SPATS2: variants seen among roughly 807,000 people sequenced by gnomAD.
The protein encoded by SPATS2 is spermatogenesis associated serine rich 2.
A neutral mutation model predicts 63.7 loss-of-function variants in SPATS2; 38 were observed. The ratio of observed to expected loss-of-function variants is 0.60; its 90% CI spans 0.46 to 0.78. The LOEUF (loss-of-function observed/expected upper bound fraction) is 0.78. Ranked by LOEUF, SPATS2 falls within the 30% of genes least tolerant of loss-of-function variation. SPATS2 has a pLI of 0.00. For missense variants in SPATS2, 588 were observed against 666.2 expected (o/e 0.88, Z 1.29); for synonymous variants, 207 against 232.9 (o/e 0.89, Z 1.01).
At chr12:49,494,689 G>A in intron 6 of SPATS2, 52 bp from the exon 7 acceptor site, 1 of 1,459,164 alleles carries the variant, frequency 6.9e-7, no homozygotes. Flanking sequence ...CTAGGTTGTG[G>A]GGGAATCTTT....
Position 49,519,219 on chromosome 12 carries a change from C to T in SPATS2, c.1008+37C>T, listed in dbSNP as rs748807779. On this transcript the variant is annotated intron_variant, in intron 11 of 13. Transcript: ENST00000552918. ...TTCTGCTTTCTGCCTTTCTTCTTAT[C>T]CTCAGGGGCTAAAGTAAGAAATTTT... 6 of 1,531,242 alleles carry T rather than the reference C, an allele frequency of 3.9e-6. No homozygotes were observed. The East Asian group carries it at 6.9e-5, about 18-fold the overall frequency. 94.9% of individuals were successfully genotyped at this position (1,531,242 alleles called of 1,614,324 possible).
At chr12:49,495,202 C>A (rs1946445252) in intron 7 of SPATS2, among the ~76,000 whole-genome samples, 200 bp downstream of exon 7, 1 of 151,098 alleles carries the variant, frequency 6.6e-6, no homozygotes, top group Non-Finnish European at 1.5e-5. Flanking sequence ...AAATACAATT[C>A]TTTTTTTTTG....
chr12:49,477,853 C>T (rs1056388080), intron 3 of SPATS2, among the ~76,000 whole-genome samples: 6 of 151,706 alleles, frequency 4.0e-5, no homozygotes, highest in Non-Finnish European at 7.4e-5. Context: ...TTATTTCCTA[C>T]CAAAACAGTC....
intron 2 of SPATS2, among the ~76,000 whole-genome samples, chr12:49,443,421 C>T (rs1038860373): frequency 6.6e-6 from 1 of 152,002 alleles, no homozygotes; most frequent in African/African-American, 2.4e-5. Context: ...ACTTTCACTT[C>T]TATTCTATTG....
intron 2 of SPATS2, among the ~76,000 whole-genome samples, chr12:49,403,622 CACACACACACACACACACAA>C (rs1944644912): frequency 6.6e-6 from 1 of 151,286 alleles, no homozygotes; most frequent in Non-Finnish European, 1.5e-5. Context: ...CACACACACA[CACACACACACACACACACAA>C]ACAAAACTGG....
chr12:49,454,574 T>C (rs1297462303), intron 2 of SPATS2, among the ~76,000 whole-genome samples: 2 of 152,164 alleles, frequency 1.3e-5, no homozygotes, highest in Non-Finnish European at 2.9e-5. Flanking sequence ...GAGACACATA[T>C]CACCAAGTTT....
chr12:49,522,121 T>C (rs964215457), intron 11 of SPATS2, among the ~76,000 whole-genome samples: 2 of 152,208 alleles, frequency 1.3e-5, no homozygotes, highest in Non-Finnish European at 2.9e-5. Context: ...TCTAGTCCCA[T>C]GATTTTTATA....
chr12:49,429,786 CTTT>C (rs113979672), intron 2 of SPATS2, among the ~76,000 whole-genome samples: 5 of 126,554 alleles, frequency 4.0e-5, no homozygotes, highest in Admixed American at 8.0e-5. Context: ...TCTTCTTCTT[CTTT>C]TTTTTTTTTT....
At chr12:49,490,565 T>C (rs998242383) in intron 5 of SPATS2, 117 bp from the exon 6 acceptor site, 1 of 971,116 alleles carries the variant, frequency 1.0e-6, no homozygotes, top group African/African-American at 1.6e-5. Flanking sequence ...TAACTTTAAC[T>C]TTTCTGTTAG....
intron 4 of SPATS2, among the ~76,000 whole-genome samples, chr12:49,485,461 A>G (rs1414792396): frequency 6.6e-6 from 1 of 151,924 alleles, no homozygotes; most frequent in East Asian, 1.9e-4. Flanking sequence ...TCCTGGGTTC[A>G]AGTGATTCTT....
At chr12:49,389,712 G>A (rs1420254790) in intron 2 of SPATS2, 3 of 1,550,364 alleles carry the variant, frequency 1.9e-6, no homozygotes, top group Non-Finnish European at 2.7e-6. Context: ...GTCCACGTTA[G>A]TTATGGGAAT....
chr12:49,440,950 A>AGC (rs1945407910), intron 2 of SPATS2, among the ~76,000 whole-genome samples: 1 of 152,224 alleles, frequency 6.6e-6, no homozygotes, highest in African/African-American at 2.4e-5. Flanking sequence ...TAGTGCTAAT[A>AGC]ACTTTGGTCA....
intron 9 of SPATS2, among the ~76,000 whole-genome samples, chr12:49,500,600 G>A (rs542265894): frequency 0.017 from 2,556 of 152,070 alleles, 36 homozygotes; most frequent in Middle Eastern, 0.041. Context: ...GTGAAAACCC[G>A]TCTCTACTAA....
rs766115748 is a variant in SPATS2, at chr12:49,525,926, G to A, written c.1327-18G>A. The A allele has an allele frequency of 1.2e-6, 2 of 1,608,582 alleles. No individual in the cohort carries two copies. Among genetic ancestry groups the A allele is most frequent in the African/African-American group, 2.7e-5 (2 of 74,764 alleles). On this transcript the variant is annotated intron_variant, in intron 13 of 13. Transcript: ENST00000552918. Reference sequence around the variant, plus strand: ...ATAATGCTAGAGCACCTTGAACATTGTATTCTTTCATCTTTAGGTATTGCC... The same window carrying A: ...ATAATGCTAGAGCACCTTGAACATTATATTCTTTCATCTTTAGGTATTGCC...
intron 2 of SPATS2, among the ~76,000 whole-genome samples, chr12:49,454,599 T>C (rs1236677278): frequency 1.1e-4 from 16 of 152,186 alleles, no homozygotes; most frequent in Non-Finnish European, 2.4e-4. Context: ...ATATCCATTA[T>C]GGATCAGGCG....
In SPATS2 at chr12:49,498,132, CAAA is replaced by C. The variant is rs71439501; in HGVS notation, c.703+1135_703+1137del. On this transcript the variant is annotated intron_variant, in intron 8 of 13. Coordinates refer to ENST00000552918, the MANE Select transcript of SPATS2 (RefSeq NM_023071.4). ...CAGGTTTGAGACTATCCAATCAAGC[CAAA>C]AAAAAAAAAAATATATATATATATA... 4.3e-5 allele frequency among the ~76,000 whole-genome samples: 5 copies of C among 117,296 alleles called. No homozygotes were observed. In the East Asian group the frequency reaches 6.3e-4, roughly 15 times the overall value. The allele number at this position is 117,296 out of a possible 152,430, so 77.0% of individuals were successfully genotyped here.
At chr12:49,382,793 C>T (rs1024648516) in intron 2 of SPATS2, among the ~76,000 whole-genome samples, 9 of 152,182 alleles carry the variant, frequency 5.9e-5, no homozygotes, top group Admixed American at 5.9e-4. Flanking sequence ...CAACCTGTGT[C>T]TCCCTGGTTC....
chr12:49,405,860 A>G (rs189715948), intron 2 of SPATS2, among the ~76,000 whole-genome samples: 20 of 152,356 alleles, frequency 1.3e-4, no homozygotes, highest in Admixed American at 1.3e-3. Flanking sequence ...TGTGAGGATA[A>G]CACATATATA....
At chr12:49,388,794 A>G (rs1592350096) in intron 2 of SPATS2, among the ~76,000 whole-genome samples, 1 of 151,736 alleles carries the variant, frequency 6.6e-6, no homozygotes, top group African/African-American at 2.4e-5. Context: ...TCCCAGGCTC[A>G]AGTGATCCTC....
Sources: gnomAD v4.1 joint callset for allele counts (sites outside exome capture counted in the v4.1 genomes callset) on GRCh38, gnomAD v4.1.1 for gene constraint, MANE v1.5 for transcripts, NCBI Gene and HGNC (gene_info 2026-07-23, HGNC 2026-07-21) for gene names.